The following SLC37A1 variants were observed in gnomAD, a reference collection of about 807,000 sequenced individuals.
The protein encoded by SLC37A1 is glucose-6-phosphate exchanger SLC37A1.
A neutral mutation model predicts 75.3 loss-of-function variants in SLC37A1; 49 were observed. The ratio of observed to expected loss-of-function variants is 0.65; its 90% CI spans 0.52 to 0.83. The LOEUF (loss-of-function observed/expected upper bound fraction) is 0.83. Among genes scored for constraint, SLC37A1 ranks in the 40% least tolerant of loss-of-function variants. The probability of loss-of-function intolerance (pLI) is 0.00; values close to 1 mark genes in which losing one functional copy is unlikely to be tolerated. For missense variants in SLC37A1, 566 were observed against 695.0 expected (o/e 0.81, Z 2.09); for synonymous variants, 268 against 292.1 (o/e 0.92, Z 0.84).
At position 42,502,775 on chromosome 21, in the gene SLC37A1, A is replaced by G. The variant is rs548665015; in HGVS notation, c.-179+358A>G. ...GTTGTGCTTCTGACGCATTCCCTAC[A>G]CAACTGGAACGTGTTTCCAGGTCAG... On this transcript the variant is annotated intron_variant, in intron 2 of 20. Transcript: ENST00000398341. The G allele has an allele frequency of 1.7e-3, 257 of 152,304 alleles. 1 individual carries two copies. Among genetic ancestry groups the G allele is most frequent in the African/African-American group, 5.8e-3 (241 of 41,542 alleles). The allele number at this position is 152,304 out of a possible 1,614,324, so 9.4% of individuals were successfully genotyped here.
At chr21:42,510,015 A>C (rs977400866), upstream of SLC37A1, among the ~76,000 whole-genome samples, 10 of 152,148 alleles carry the variant, frequency 6.6e-5, no homozygotes, top group Admixed American at 2.0e-4. Flanking sequence ...GATGGCATAC[A>C]AGTTGAGGTG....
Position 42,581,108 on chromosome 21 carries a change from A to G in SLC37A1, c.*748A>G, listed in dbSNP as rs1046783. ...TCCTGCTGCCCTCCGGGGCCATGGCACTGCTGTTCAGCTCAGGCACAGGGG... is the reference window on the plus strand; with the variant it reads ...TCCTGCTGCCCTCCGGGGCCATGGCGCTGCTGTTCAGCTCAGGCACAGGGG... On this transcript the variant is annotated 3_prime_UTR_variant, in exon 20 of 20. Coordinates refer to ENST00000352133, the MANE Select transcript of SLC37A1 (RefSeq NM_001320537.2). The G allele has an allele frequency of 0.62, 94,852 of 152,574 alleles. 30,178 individuals carry two copies. Among genetic ancestry groups the G allele is most frequent in the Admixed American group, 0.69 (10,637 of 15,310 alleles). The allele number at this position is 152,574 out of a possible 1,614,324, so 9.5% of individuals were successfully genotyped here.
intron 15 of SLC37A1, among the ~76,000 whole-genome samples, chr21:42,566,577 C>A (rs2147005939): frequency 6.6e-6 from 1 of 152,276 alleles, no homozygotes; most frequent in East Asian, 1.9e-4. Context: ...TCCTGTGACC[C>A]CCCCTCAGGC....
chr21:42,510,089 G>A (rs1034404152), upstream of SLC37A1, among the ~76,000 whole-genome samples: 2 of 152,210 alleles, frequency 1.3e-5, no homozygotes, highest in African/African-American at 4.8e-5. Context: ...GTGCAGTGAT[G>A]CGATCTCAGC....
chr21:42,549,499 C>A (rs1467066309), intron 9 of SLC37A1, among the ~76,000 whole-genome samples: 2 of 152,212 alleles, frequency 1.3e-5, no homozygotes, highest in African/African-American at 4.8e-5. Flanking sequence ...AGCTTCTCGT[C>A]CTCTCTCCTC....
At chr21:42,501,387 G>C (rs550783661) in intron 1 of SLC37A1, among the ~76,000 whole-genome samples, 1 of 152,082 alleles carries the variant, frequency 6.6e-6, no homozygotes, top group South Asian at 2.1e-4. Context: ...CCATTGGGGG[G>C]CAAATTCTAC....
chr21:42,535,473 T>A lies in SLC37A1; in HGVS notation c.273T>A (p.Asp91Glu). The change falls in exon 5 of 20, where the codon GAT becomes GAA. Residue 91 changes from aspartate (D) to glutamate (E), a missense_variant and splice_region_variant. Physicochemically the swap from Asp to Glu is conservative, Grantham distance 45. Transcript: ENST00000352133. ...NETDCGWAPFDKNNYQQLLGA... is the reference protein window; with the variant it reads ...NETDCGWAPFEKNNYQQLLGA... Reference sequence around the variant, plus strand: ...CTGCTGGTTTTCAAATTCATATAGATAAGAACAACTATCAGCAGCTGCTTG... The same window carrying A: ...CTGCTGGTTTTCAAATTCATATAGAAAAGAACAACTATCAGCAGCTGCTTG... 1 of 1,613,888 alleles carries A rather than the reference T, an allele frequency of 6.2e-7. No individual in the cohort carries two copies. The highest frequency in any genetic ancestry group is 8.5e-7 in the Non-Finnish European group (1 of 1,179,740).
intron 2 of SLC37A1, among the ~76,000 whole-genome samples, chr21:42,508,122 CTT>C (rs398036474): frequency 0.017 from 1,401 of 80,934 alleles, 16 homozygotes; most frequent in African/African-American, 0.058. Context: ...AGAGTACGCT[CTT>C]TTTTTTTTTT....
At chr21:42,561,455 T>C (rs1404168624) in intron 11 of SLC37A1, 1 of 156,224 alleles carries the variant, frequency 6.4e-6, no homozygotes, top group Non-Finnish European at 1.4e-5. Flanking sequence ...TGCGGTAGCC[T>C]GTACGCCTGT....
intron 2 of SLC37A1, among the ~76,000 whole-genome samples, chr21:42,523,017 C>T (rs1013007988): frequency 3.3e-5 from 5 of 152,248 alleles, no homozygotes; most frequent in Admixed American, 2.0e-4. Flanking sequence ...GTCGGGGCCT[C>T]AGCACTCTTC....
chr21:42,539,429 C>T, intron 5 of SLC37A1, 83 bp from the exon 6 acceptor site: 7 of 1,466,144 alleles, frequency 4.8e-6, no homozygotes, highest in Non-Finnish European at 6.5e-6. Context: ...AGCATGAAAG[C>T]ATCCGGCAAG....
At chr21:42,510,273 G>A (rs1055155961), upstream of SLC37A1, among the ~76,000 whole-genome samples, 5 of 152,132 alleles carry the variant, frequency 3.3e-5, no homozygotes, top group South Asian at 2.1e-4. Context: ...TGATCTGCCC[G>A]TCTCAGCCTC....
intron 8 of SLC37A1, 63 bp downstream of exon 8, chr21:42,543,665 G>A: frequency 1.3e-6 from 2 of 1,501,118 alleles, no homozygotes; most frequent in Non-Finnish European, 1.8e-6. Flanking sequence ...CTGCCTGGGT[G>A]GGCCTTGGGG....
At chr21:42,572,695 T>TAAAAAAAAAAAAAAAAAAAA (rs1421400961) in intron 17 of SLC37A1, among the ~76,000 whole-genome samples, 2 of 132,338 alleles carry the variant, frequency 1.5e-5, no homozygotes, top group Non-Finnish European at 3.3e-5. Context: ...AAAAAAAGAG[T>TAAAAAAAAAAAAAAAAAAAA]GTGTCCTGAG....
At chr21:42,559,196 C>A (rs564137591) in intron 11 of SLC37A1, 107 bp downstream of exon 11, 2 of 1,403,522 alleles carry the variant, frequency 1.4e-6, no homozygotes, top group Admixed American at 2.7e-5. Flanking sequence ...GGTTGTAGAA[C>A]CCGGGGATTC....
chr21:42,525,139 A>ATCGG (rs1259735557), intron 2 of SLC37A1, among the ~76,000 whole-genome samples: 1 of 152,194 alleles, frequency 6.6e-6, no homozygotes, highest in African/African-American at 2.4e-5. Flanking sequence ...AGCAGCTCCG[A>ATCGG]GCTCCCTGCC....
At chr21:42,525,435 T>G (rs568332913) in intron 2 of SLC37A1, among the ~76,000 whole-genome samples, 6 of 152,310 alleles carry the variant, frequency 3.9e-5, no homozygotes, top group South Asian at 4.1e-4. Context: ...TTGAATTCAC[T>G]TAGAGGACAT....
intron 2 of SLC37A1, among the ~76,000 whole-genome samples, chr21:42,523,445 T>C (rs1181221048): frequency 6.6e-6 from 1 of 152,358 alleles, no homozygotes; most frequent in East Asian, 1.9e-4. Flanking sequence ...CCCAGTGGCC[T>C]GGAATCTTCC....
At chr21:42,578,882 G>A (rs2056360604) in intron 18 of SLC37A1, among the ~76,000 whole-genome samples, 1 of 152,174 alleles carries the variant, frequency 6.6e-6, no homozygotes, top group South Asian at 2.1e-4. Flanking sequence ...TGGTTTTTAA[G>A]TAGCCCCTCG....
Sources: allele counts gnomAD v4.1 joint callset (sites outside exome capture counted in the v4.1 genomes callset), GRCh38; gene constraint gnomAD v4.1.1; transcripts MANE v1.5; gene names NCBI Gene and HGNC (gene_info 2026-07-23, HGNC 2026-07-21).